Variants in GLIS3 observed in about 807,000 individuals in gnomAD.
GLIS3 encodes zinc finger protein GLIS3.
In GLIS3, 53 loss-of-function variants were observed where a neutral mutation model predicts 78.6. That is an observed-to-expected ratio of 0.67 (90% confidence interval 0.54 to 0.85). The LOEUF (loss-of-function observed/expected upper bound fraction) is 0.85. Ranked by LOEUF, GLIS3 falls within the 40% of genes least tolerant of loss-of-function variation. GLIS3 has a pLI of 0.00. For missense variants in GLIS3, 1,703 were observed against 1,231.1 expected (o/e 1.38, Z -5.74); for synonymous variants, 684 against 509.9 (o/e 1.34, Z -4.60).
chr9:4,171,182 C>A (rs1333945507), intron 2 of GLIS3, among the ~76,000 whole-genome samples: 4 of 152,068 alleles, frequency 2.6e-5, no homozygotes, highest in Admixed American at 1.3e-4. Context: ...TTCAATTTTG[C>A]AGGGATGGGC....
intron 2 of GLIS3, among the ~76,000 whole-genome samples, chr9:4,209,482 T>G (rs1820193515): frequency 6.6e-6 from 1 of 152,176 alleles, no homozygotes; most frequent in African/African-American, 2.4e-5. Flanking sequence ...TGCAGAAAGC[T>G]TCTCAAGATG....
At chr9:4,217,147 C>T (rs1820925739) in intron 2 of GLIS3, among the ~76,000 whole-genome samples, 1 of 152,098 alleles carries the variant, frequency 6.6e-6, no homozygotes, top group Non-Finnish European at 1.5e-5. Context: ...AAGTAGAGAA[C>T]CAAGGTGACA....
the GLIS3 span, among the ~76,000 whole-genome samples, chr9:4,405,682 T>C: frequency 2.0e-5 from 3 of 151,980 alleles, no homozygotes; most frequent in Non-Finnish European, 4.4e-5. Flanking sequence ...CAAACTGTTC[T>C]GAAAAATAGA....
chr9:3,960,327 G>C (rs1258599300), intron 4 of GLIS3, among the ~76,000 whole-genome samples: 1 of 152,172 alleles, frequency 6.6e-6, no homozygotes, highest in Non-Finnish European at 1.5e-5. Flanking sequence ...CTCCAGAACT[G>C]TGAGACAATA....
rs117742013 is a variant in GLIS3, at chr9:4,171,281, G to A, written c.389-45340C>T. On this transcript the variant is annotated intron_variant, in intron 2 of 10. Transcript: ENST00000381971. ...TATTTATTCACTAACAGAGAATCTA[G>A]GGAATAGCTTAAGTTAAGCCTTCAA... Among the ~76,000 whole-genome samples the A allele has an allele frequency of 1.9e-3, 287 of 152,282 alleles. 2 individuals are homozygous for A. Among genetic ancestry groups the A allele is most frequent in the Non-Finnish European group, 3.1e-3 (214 of 68,012 alleles).
chr9:4,056,594 G>A (rs1303300642), intron 4 of GLIS3, among the ~76,000 whole-genome samples: 1 of 152,112 alleles, frequency 6.6e-6, no homozygotes, highest in African/African-American at 2.4e-5. Flanking sequence ...AGAGAGAAGA[G>A]AGAAAAAAGC....
intron 2 of GLIS3, among the ~76,000 whole-genome samples, chr9:4,219,828 C>T (rs775046732): frequency 6.6e-5 from 10 of 152,154 alleles, no homozygotes; most frequent in African/African-American, 1.9e-4. Flanking sequence ...CCAGCTGCTA[C>T]GTATTTCCTA....
chr9:4,481,873 G>C, the GLIS3 span, among the ~76,000 whole-genome samples: 18 of 152,022 alleles, frequency 1.2e-4, no homozygotes, highest in Admixed American at 1.2e-3. Flanking sequence ...CTACCCGCAG[G>C]GTGTGACACT....
chr9:4,313,710 T>A (rs976328785), intron 2 of GLIS3, among the ~76,000 whole-genome samples: 2 of 152,198 alleles, frequency 1.3e-5, no homozygotes, highest in African/African-American at 4.8e-5. Context: ...GAGATGCCCT[T>A]CCTGGACCAG....
intron 2 of GLIS3, among the ~76,000 whole-genome samples, chr9:4,179,188 C>G (rs570416357): frequency 6.6e-6 from 1 of 152,134 alleles, no homozygotes; most frequent in Non-Finnish European, 1.5e-5. Flanking sequence ...AGACTGAATC[C>G]AAATGTGTGA....
intron 8 of GLIS3, chr9:3,878,546 C>T (rs1821482900): frequency 6.6e-6 from 1 of 152,146 alleles, no homozygotes; most frequent in Non-Finnish European, 1.5e-5. Flanking sequence ...CTCTAAGTTA[C>T]AAAACTTTTA....
intron 9 of GLIS3, among the ~76,000 whole-genome samples, chr9:3,830,534 A>G (rs1817983786): frequency 6.6e-6 from 1 of 152,178 alleles, no homozygotes; most frequent in Non-Finnish European, 1.5e-5. Context: ...TTGGATAAGG[A>G]AGTCCATCTC....
Position 4,286,482 on chromosome 9 carries a change from C to G in GLIS3, c.-57G>C. On this transcript the variant is annotated 5_prime_UTR_variant, in exon 2 of 11. An upstream open reading frame in the 5' UTR loses its in-frame stop. Transcript: ENST00000381971. Reference sequence around the variant, plus strand: ...ATCCAATGTCACTAATGACTCCTTTCAGGCAAAGTCCAATAAGTTATCCAT... The same window carrying G: ...ATCCAATGTCACTAATGACTCCTTTGAGGCAAAGTCCAATAAGTTATCCAT... The G allele has an allele frequency of 1.9e-6, 3 of 1,598,344 alleles. No homozygotes were observed. Among genetic ancestry groups the G allele is most frequent in the Non-Finnish European group, 2.6e-6 (3 of 1,171,014 alleles).
rs751630404 is a variant in GLIS3, at chr9:4,259,244, C to CTTTTATTTATTT, written c.388+26793_388+26794insAAATAAATAAAA. On this transcript the variant is annotated intron_variant, in intron 2 of 10. Transcript: ENST00000381971. ...GGTCAGGGTCTCCAGTTGCTCATTT[C>CTTTTATTTATTT]ATTTATTTATTTATTTATTTATTTA... 2.5e-3 allele frequency among the ~76,000 whole-genome samples: 375 copies of CTTTTATTTATTT among 151,464 alleles called. 3 individuals are homozygous for CTTTTATTTATTT. Among genetic ancestry groups the CTTTTATTTATTT allele is most frequent in the East Asian group, 0.012 (60 of 5,188 alleles).
the GLIS3 span, among the ~76,000 whole-genome samples, chr9:4,367,351 ATCTG>A: frequency 3.9e-5 from 6 of 152,128 alleles, no homozygotes; most frequent in South Asian, 8.3e-4. Flanking sequence ...ACCCCATCTA[ATCTG>A]TCTAAGTCTT....
At chr9:4,000,118 A>C (rs1387122240) in intron 4 of GLIS3, among the ~76,000 whole-genome samples, 5 of 152,178 alleles carry the variant, frequency 3.3e-5, no homozygotes, top group Non-Finnish European at 5.9e-5. Context: ...AATTTGGTAT[A>C]ATTACTTGAC....
intron 4 of GLIS3, among the ~76,000 whole-genome samples, chr9:3,965,642 G>T (rs1331427122): frequency 6.6e-6 from 1 of 152,162 alleles, no homozygotes; most frequent in African/African-American, 2.4e-5. Context: ...ATGTGCATGG[G>T]GAAGGCCAGT....
chr9:4,322,384 G>A (rs901184771), intron 2 of GLIS3, among the ~76,000 whole-genome samples: 22 of 152,184 alleles, frequency 1.4e-4, no homozygotes, highest in African/African-American at 4.1e-4. Context: ...AATCCTTTGG[G>A]TATATACTCA....
chr9:3,884,488 A>C (rs1315774181), intron 7 of GLIS3, among the ~76,000 whole-genome samples: 1 of 152,154 alleles, frequency 6.6e-6, no homozygotes, highest in Non-Finnish European at 1.5e-5. Flanking sequence ...TGTGCAAATA[A>C]ATCATCAAGG....
Sources: gnomAD v4.1 joint callset for allele counts (sites outside exome capture counted in the v4.1 genomes callset) on GRCh38, gnomAD v4.1.1 for gene constraint, MANE v1.5 for transcripts, NCBI Gene and HGNC (gene_info 2026-07-23, HGNC 2026-07-21) for gene names.